UGT8: variants seen among roughly 807,000 people sequenced by gnomAD.
UGT8 encodes the protein UDP glycosyltransferase 8, also known as 2-hydroxyacylsphingosine 1-beta-galactosyltransferase.
In UGT8, 12 loss-of-function variants were observed where a neutral mutation model predicts 40.5. The ratio of observed to expected loss-of-function variants is 0.30; its 90% CI spans 0.19 to 0.48. UGT8 has a LOEUF of 0.48. Among genes scored for constraint, UGT8 ranks in the 20% least tolerant of loss-of-function variants. UGT8 has a pLI of 0.99. For synonymous variants in UGT8, 224 were observed against 240.4 expected, an observed-to-expected ratio of 0.93 and a Z score of 0.63; for missense variants, 513 against 648.7, an observed-to-expected ratio of 0.79 and a Z score of 2.27.
In UGT8 at chr4:114,677,757, G is replaced by A. The variant is rs954939132; in HGVS notation, c.*1469G>A. On this transcript the variant is annotated 3_prime_UTR_variant, in exon 6 of 6. Transcript: ENST00000310836. ...CTAGTTTGAAATCCCACATCTGATA[G>A]CTGAGAGTAGGCAAATACAACATTT... is the stretch of plus-strand genomic sequence containing the variant. 1 of 152,200 alleles carries A rather than the reference G, an allele frequency of 6.6e-6. No individual in the cohort carries two copies. Among genetic ancestry groups the A allele is most frequent in the African/African-American group, 2.4e-5 (1 of 41,444 alleles). The allele number at this position is 152,200 out of a possible 1,614,324, so 9.4% of individuals were successfully genotyped here.
At chr4:114,599,249 G>C (rs7442245) in intron 1 of UGT8, among the ~76,000 whole-genome samples, 142,022 of 152,144 alleles carry the variant, frequency 0.93, 67,032 homozygotes, top group East Asian at 1. Context: ...TCCTGTTTCT[G>C]CCATATGGCA....
intron 2 of UGT8, among the ~76,000 whole-genome samples, chr4:114,655,031 C>T (rs1275871900): frequency 6.6e-6 from 1 of 151,104 alleles, no homozygotes; most frequent in East Asian, 1.9e-4. Context: ...AAATAGACCA[C>T]TTACCAATTC....
chr4:114,599,117 G>A (rs1730276557), intron 1 of UGT8, 143 bp downstream of exon 1: 1 of 151,622 alleles, frequency 6.6e-6, no homozygotes. Flanking sequence ...AGAAAGCACA[G>A]ACAGGGTTGG....
intron 2 of UGT8, among the ~76,000 whole-genome samples, chr4:114,643,564 G>T (rs1733361264): frequency 1.3e-5 from 2 of 152,148 alleles, no homozygotes; most frequent in African/African-American, 4.8e-5. Flanking sequence ...ACAAACAAAA[G>T]ATAAATCACT....
chr4:114,634,805 G>A (rs1365017073), intron 2 of UGT8, among the ~76,000 whole-genome samples: 1 of 152,112 alleles, frequency 6.6e-6, no homozygotes, highest in Non-Finnish European at 1.5e-5. Flanking sequence ...TCAGTGATAG[G>A]GCTTGGACGG....
Position 114,670,203 on chromosome 4 carries a change from G to A in UGT8, c.1262+1899G>A, listed in dbSNP as rs937028466. Among the ~76,000 whole-genome samples the A allele has an allele frequency of 3.4e-4, 51 of 151,594 alleles. 2 individuals are homozygous for A. The highest frequency in any genetic ancestry group is 3.0e-3 in the Admixed American group (46 of 15,222). Reference sequence around the variant, plus strand: ...CAAACCGAATCCAGCAGCATGAGGCGGGTGGATCACAAGGTCAGGAGATCG... The same window carrying A: ...CAAACCGAATCCAGCAGCATGAGGCAGGTGGATCACAAGGTCAGGAGATCG... On this transcript the variant is annotated intron_variant, in intron 5 of 5. Transcript: ENST00000310836.
chr4:114,606,680 A>T (rs1730752940), intron 1 of UGT8, among the ~76,000 whole-genome samples: 1 of 152,166 alleles, frequency 6.6e-6, no homozygotes, highest in South Asian at 2.1e-4. Context: ...AATGTATCTT[A>T]ATGGAGATAA....
chr4:114,603,330 G>T (rs1287668004), intron 1 of UGT8, among the ~76,000 whole-genome samples: 1 of 152,080 alleles, frequency 6.6e-6, no homozygotes, highest in Admixed American at 6.6e-5. Flanking sequence ...ATAAATGGTA[G>T]GTAGATAAAT....
At chr4:114,644,014 C>G (rs889109758) in intron 2 of UGT8, among the ~76,000 whole-genome samples, 4 of 152,096 alleles carry the variant, frequency 2.6e-5, no homozygotes, top group African/African-American at 7.2e-5. Context: ...CAGGCTTTAC[C>G]CTTCAGCCAT....
Position 114,668,320 on chromosome 4 carries a change from A to G in UGT8, c.1262+16A>G. ...ATAATCCCAGGTAAGGTTTCAATTA[A>G]CATTAAAGCTGATGAACTTACATAC... On this transcript the variant is annotated intron_variant, in intron 5 of 5. Coordinates refer to ENST00000310836, the MANE Select transcript of UGT8 (RefSeq NM_001128174.3). 1.2e-6 allele frequency: 2 copies of G among 1,608,120 alleles called. No individual in the cohort carries two copies. Among genetic ancestry groups the G allele is most frequent in the East Asian group, 4.5e-5 (2 of 44,798 alleles).
At chr4:114,618,259 A>C (rs1731562770) in intron 1 of UGT8, among the ~76,000 whole-genome samples, 1 of 152,184 alleles carries the variant, frequency 6.6e-6, no homozygotes, top group Non-Finnish European at 1.5e-5. Flanking sequence ...TTTTCTACAT[A>C]AGTATTGGTA....
intron 5 of UGT8, among the ~76,000 whole-genome samples, chr4:114,670,779 A>G (rs1003339250): frequency 2.0e-5 from 3 of 152,136 alleles, no homozygotes; most frequent in Non-Finnish European, 4.4e-5. Flanking sequence ...CTCTCTCACC[A>G]CTCCTATTCA....
At chr4:114,604,938 C>T (rs556236566) in intron 1 of UGT8, among the ~76,000 whole-genome samples, 6 of 151,918 alleles carry the variant, frequency 3.9e-5, no homozygotes, top group Middle Eastern at 3.4e-3. Flanking sequence ...TGTGCTTAGT[C>T]CTTCACGATT....
chr4:114,674,090 A>G (rs1415971382), intron 5 of UGT8, among the ~76,000 whole-genome samples: 1 of 152,184 alleles, frequency 6.6e-6, no homozygotes, highest in African/African-American at 2.4e-5. Flanking sequence ...CTTAATGTTT[A>G]GGTCTAGAGT....
intron 2 of UGT8, among the ~76,000 whole-genome samples, chr4:114,660,832 A>G (rs1216606386): frequency 6.6e-6 from 1 of 151,348 alleles, no homozygotes; most frequent in African/African-American, 2.4e-5. Context: ...TGGAGCCTGC[A>G]GTAAGCCGAG....
At position 114,629,760 on chromosome 4, in the gene UGT8, A is replaced by T. The variant is rs1732458643; in HGVS notation, c.822+6058A>T. 2.6e-5 allele frequency among the ~76,000 whole-genome samples: 4 copies of T among 152,204 alleles called. No homozygotes were observed. In the South Asian group the frequency reaches 8.3e-4, roughly 31 times the overall value. On this transcript the variant is annotated intron_variant, in intron 2 of 5. Transcript: ENST00000310836. ...CTTCTGTAAGCATTATGGGCTTACAAGGATTTCCTGATATGATAGGAGATC... is the reference window on the plus strand; with the variant it reads ...CTTCTGTAAGCATTATGGGCTTACATGGATTTCCTGATATGATAGGAGATC...
intron 1 of UGT8, among the ~76,000 whole-genome samples, chr4:114,601,542 C>A (rs1020195802): frequency 1.3e-5 from 2 of 151,780 alleles, no homozygotes; most frequent in African/African-American, 4.8e-5. Flanking sequence ...TTTACATAAG[C>A]ACATTTTCTC....
At chr4:114,644,358 C>T (rs1288339339) in intron 2 of UGT8, among the ~76,000 whole-genome samples, 1 of 152,180 alleles carries the variant, frequency 6.6e-6, no homozygotes, top group Non-Finnish European at 1.5e-5. Context: ...TGGTATCCTT[C>T]TCATTTTATG....
At chr4:114,599,417 G>C (rs1730299773) in intron 1 of UGT8, among the ~76,000 whole-genome samples, 1 of 152,150 alleles carries the variant, frequency 6.6e-6, no homozygotes, top group Non-Finnish European at 1.5e-5. Flanking sequence ...TGGAGGTGGG[G>C]GACCAGGAGG....
Sources: allele counts gnomAD v4.1 joint callset (sites outside exome capture counted in the v4.1 genomes callset), GRCh38; gene constraint gnomAD v4.1.1; transcripts MANE v1.5; gene names NCBI Gene and HGNC (gene_info 2026-07-23, HGNC 2026-07-21).